SCLT1: variants seen among roughly 807,000 people sequenced by gnomAD.
The protein encoded by SCLT1 is sodium channel-associated protein 1.
SCLT1 carries 78 observed loss-of-function variants against 112.8 expected under a neutral mutation model. That is an observed-to-expected ratio of 0.69 (90% confidence interval 0.58 to 0.83). SCLT1 has a LOEUF of 0.83. SCLT1 is among the 40% of genes least tolerant of loss of function. The probability of loss-of-function intolerance (pLI) is 0.00; values close to 1 mark genes in which losing one functional copy is unlikely to be tolerated. For missense variants in SCLT1, 747 were observed against 770.4 expected, an observed-to-expected ratio of 0.97 and a Z score of 0.36; for synonymous variants, 257 against 254.7, an observed-to-expected ratio of 1.01 and a Z score of -0.09.
chr4:128,935,465 T>A (rs541212380), intron 18 of SCLT1, among the ~76,000 whole-genome samples: 1 of 152,200 alleles, frequency 6.6e-6, no homozygotes, highest in East Asian at 1.9e-4. Context: ...AAACTGAATG[T>A]AAAACCTAGA....
At chr4:128,891,465 T>A (rs534434822) in intron 18 of SCLT1, among the ~76,000 whole-genome samples, 4 of 152,208 alleles carry the variant, frequency 2.6e-5, no homozygotes, top group African/African-American at 9.6e-5. Context: ...ATTTTATGTA[T>A]ATTTTGCCAA....
rs749482329 is a variant in SCLT1, at chr4:128,936,791, C to T, written c.1693G>A (p.Glu565Lys). 1 of 1,607,596 alleles carries T rather than the reference C, an allele frequency of 6.2e-7. No individual in the cohort carries two copies. The highest frequency in any genetic ancestry group is 1.1e-5 in the South Asian group (1 of 90,664). Reference protein sequence around the residue: ...KERGFEVQLREMEDSNRNSIV... With the variant: ...KERGFEVQLRKMEDSNRNSIV... ...GAATTTCTATTACTGTCTTCCATCTCTCTCAATTGAACTTCAAATCCACGT... is the reference window on the plus strand; with the variant it reads ...GAATTTCTATTACTGTCTTCCATCTTTCTCAATTGAACTTCAAATCCACGT... The change falls in exon 18 of 21, where the codon GAG becomes AAG. Residue 565 changes from glutamate to lysine, a missense_variant. Glu to Lys is a moderately conservative substitution (Grantham distance 56). This residue lies in a region of SCLT1 where 723 missense variants were observed against 721.3 expected (regional missense o/e 1.00). Coordinates refer to ENST00000281142, the MANE Select transcript of SCLT1 (RefSeq NM_144643.4).
At chr4:128,958,014 A>G (rs1377021808) in intron 12 of SCLT1, among the ~76,000 whole-genome samples, 1 of 152,070 alleles carries the variant, frequency 6.6e-6, no homozygotes, top group African/African-American at 2.4e-5. Flanking sequence ...TCCTTCTCTT[A>G]GTGGTCTAAT....
chr4:129,008,369 A>G (rs1744215821), intron 5 of SCLT1, among the ~76,000 whole-genome samples: 1 of 152,134 alleles, frequency 6.6e-6, no homozygotes, highest in African/African-American at 2.4e-5. Flanking sequence ...CTCGATTTCT[A>G]TCACATCTGT....
rs1732737601 is a variant in SCLT1, at chr4:128,884,419, A to G, written c.*58T>C. On this transcript the variant is annotated 3_prime_UTR_variant, in exon 21 of 21. Transcript: ENST00000281142. ...TTTGCAGGCTTTACCATTTCAATACACTTCTAGTCCAACTGCTTTCCCAAC... is the reference window on the plus strand; with the variant it reads ...TTTGCAGGCTTTACCATTTCAATACGCTTCTAGTCCAACTGCTTTCCCAAC... 2.0e-6 allele frequency: 2 copies of G among 987,668 alleles called. No individual in the cohort carries two copies. Among genetic ancestry groups the G allele is most frequent in the East Asian group, 2.4e-5 (1 of 41,948 alleles). The allele number at this position is 987,668 out of a possible 1,614,324, so 61.2% of individuals were successfully genotyped here. A position where few individuals can be genotyped will look rare whatever the true frequency, so the allele number is the denominator to read the frequency against.
chr4:128,952,693 G>C lies in SCLT1; in HGVS notation c.1218+76C>G. 9.4e-6 allele frequency: 8 copies of C among 852,830 alleles called. No homozygotes were observed. The South Asian group carries it at 1.1e-4, about 12-fold the overall frequency. 52.8% of individuals were successfully genotyped at this position (852,830 alleles called of 1,614,324 possible). Reference sequence around the variant, plus strand: ...TTTAATAAGTATCTTTTGAATGAATGAATCCCCAATAGTATATATCTTGGC... The same window carrying C: ...TTTAATAAGTATCTTTTGAATGAATCAATCCCCAATAGTATATATCTTGGC... On this transcript the variant is annotated intron_variant, in intron 14 of 20. Transcript: ENST00000281142.
At chr4:129,034,152 G>A (rs1017618608) in intron 5 of SCLT1, among the ~76,000 whole-genome samples, 2 of 151,962 alleles carry the variant, frequency 1.3e-5, no homozygotes, top group Non-Finnish European at 2.9e-5. Flanking sequence ...CATTTTCTGG[G>A]CTAGCACTGA....
chr4:128,993,290 T>C (rs1742732758), intron 8 of SCLT1, among the ~76,000 whole-genome samples: 2 of 152,062 alleles, frequency 1.3e-5, no homozygotes, highest in Non-Finnish European at 2.9e-5. Flanking sequence ...TATTCCTGAC[T>C]AAAATATGAG....
At position 128,884,379 on chromosome 4, in the gene SCLT1, C is replaced by G; in HGVS notation, c.*98G>C. 9.6e-6 allele frequency: 7 copies of G among 726,420 alleles called. No individual in the cohort carries two copies. Among genetic ancestry groups the G allele is most frequent in the Non-Finnish European group, 1.7e-5 (7 of 418,288 alleles). The allele number at this position is 726,420 out of a possible 1,614,324, so 45.0% of individuals were successfully genotyped here. A position where few individuals can be genotyped will look rare whatever the true frequency, so the allele number is the denominator to read the frequency against. On this transcript the variant is annotated 3_prime_UTR_variant, in exon 21 of 21. Coordinates refer to ENST00000281142, the MANE Select transcript of SCLT1 (RefSeq NM_144643.4). The stretch of plus-strand genomic sequence containing the variant: ...CAATGCTTACGCGAAATAACACAAG[C>G]CTTAACTATTATACTTTGCAGGCTT...
At chr4:128,897,440 G>A (rs566929350) in intron 18 of SCLT1, among the ~76,000 whole-genome samples, 2 of 150,336 alleles carry the variant, frequency 1.3e-5, no homozygotes, top group East Asian at 3.9e-4. Context: ...ATAAGTGAAG[G>A]AGAAATAAAA....
chr4:128,886,172 CAT>C (rs1175340451), intron 20 of SCLT1, among the ~76,000 whole-genome samples: 3 of 152,098 alleles, frequency 2.0e-5, no homozygotes, highest in Non-Finnish European at 4.4e-5. Flanking sequence ...TTAAAAAACT[CAT>C]ATGTTAACAG....
At chr4:129,067,775 G>A (rs1270358855) in intron 2 of SCLT1, among the ~76,000 whole-genome samples, 1 of 151,750 alleles carries the variant, frequency 6.6e-6, no homozygotes, top group Non-Finnish European at 1.5e-5. Flanking sequence ...GCCTCCCTAA[G>A]TGCTGGGATT....
At chr4:128,979,718 C>T (rs140996026) in intron 9 of SCLT1, among the ~76,000 whole-genome samples, 59 of 152,148 alleles carry the variant, frequency 3.9e-4, no homozygotes, top group African/African-American at 1.3e-3. Flanking sequence ...ACAAATGTAG[C>T]GTATCTGCAA....
At chr4:128,955,918 A>T (rs1007648654) in intron 13 of SCLT1, among the ~76,000 whole-genome samples, 3 of 152,178 alleles carry the variant, frequency 2.0e-5, no homozygotes, top group African/African-American at 7.2e-5. Context: ...ATACTTCCTG[A>T]GTGAATAGCT....
At chr4:129,022,081 A>C (rs186305256) in intron 5 of SCLT1, among the ~76,000 whole-genome samples, 48 of 152,344 alleles carry the variant, frequency 3.2e-4, no homozygotes, top group African/African-American at 1.2e-3. Context: ...AAAAACTAAC[A>C]AACAGAAAGC....
intron 2 of SCLT1, among the ~76,000 whole-genome samples, chr4:129,072,497 T>C (rs1255289143): frequency 6.6e-6 from 1 of 152,154 alleles, no homozygotes; most frequent in Non-Finnish European, 1.5e-5. Flanking sequence ...TTTGTTCATA[T>C]TTTCTTATTC....
At chr4:128,997,016 T>A (rs956073875) in intron 8 of SCLT1, among the ~76,000 whole-genome samples, 1 of 152,076 alleles carries the variant, frequency 6.6e-6, no homozygotes, top group East Asian at 1.9e-4. Context: ...TTCTTAATTA[T>A]AGAAATCAGT....
At chr4:128,914,018 C>T (rs75841392) in intron 18 of SCLT1, among the ~76,000 whole-genome samples, 7 of 152,178 alleles carry the variant, frequency 4.6e-5, no homozygotes, top group Non-Finnish European at 7.3e-5. Flanking sequence ...TGGCTTACTA[C>T]TTAGCAGCTA....
At chr4:128,936,146 G>A (rs1224497703) in intron 18 of SCLT1, among the ~76,000 whole-genome samples, 1 of 151,228 alleles carries the variant, frequency 6.6e-6, no homozygotes, top group African/African-American at 2.4e-5. Context: ...ATTTTTTAGA[G>A]TAGTTTTAGG....
Sources: allele counts gnomAD v4.1 joint callset (sites outside exome capture counted in the v4.1 genomes callset), GRCh38; gene constraint gnomAD v4.1.1; regional missense constraint gnomAD v4.1.1; transcripts MANE v1.5; gene names NCBI Gene and HGNC (gene_info 2026-07-23, HGNC 2026-07-21).